DTD1: variants seen among roughly 807,000 people sequenced by gnomAD.
The protein encoded by DTD1 is D-tyrosyl-tRNA deacylase 1 homolog.
Under a neutral mutation model 25.6 loss-of-function variants are expected in DTD1, and 13 were observed. That is an observed-to-expected ratio of 0.51 (90% CI 0.33 to 0.81). The LOEUF is 0.81. Ranked by LOEUF, DTD1 falls within the 30% of genes least tolerant of loss-of-function variation. The pLI, the probability that DTD1 is intolerant of heterozygous loss-of-function variation, is 0.02. For missense variants in DTD1, 193 were observed against 266.4 expected (o/e 0.72, Z 1.92); for synonymous variants, 110 against 103.6 (o/e 1.06, Z -0.37).
intron 4 of DTD1, among the ~76,000 whole-genome samples, chr20:18,723,948 G>C (rs1386656947): frequency 2.6e-5 from 4 of 152,152 alleles, no homozygotes; most frequent in African/African-American, 7.2e-5. Context: ...TTTCCATTTA[G>C]TTTTCTAAGT....
chr20:18,713,351 CTT>C (rs1190777370), intron 4 of DTD1, among the ~76,000 whole-genome samples: 1 of 152,232 alleles, frequency 6.6e-6, no homozygotes, highest in African/African-American at 2.4e-5. Context: ...GAAATGTCCT[CTT>C]GTTAAAATCT....
intron 5 of DTD1, among the ~76,000 whole-genome samples, chr20:18,762,195 C>T (rs1321503886): frequency 6.6e-6 from 1 of 152,208 alleles, no homozygotes; most frequent in Admixed American, 6.5e-5. Flanking sequence ...TATCAGGAAG[C>T]ACATCCATGG....
chr20:18,718,492 T>C (rs1300797046), intron 4 of DTD1, among the ~76,000 whole-genome samples: 2 of 152,190 alleles, frequency 1.3e-5, no homozygotes, highest in Non-Finnish European at 2.9e-5. Context: ...AAATTAGAAC[T>C]GTGGAGCAAA....
chr20:18,636,948 T>G (rs754189948), intron 4 of DTD1, among the ~76,000 whole-genome samples: 6 of 152,152 alleles, frequency 3.9e-5, no homozygotes, highest in Non-Finnish European at 7.4e-5. Flanking sequence ...CCCACCCAGG[T>G]TTTCTGAGCC....
chr20:18,630,318 T>C (rs1322340450), intron 4 of DTD1: 2 of 152,116 alleles, frequency 1.3e-5, no homozygotes, highest in Non-Finnish European at 2.9e-5. Context: ...ACTATTATAT[T>C]AACTATATTA....
intron 4 of DTD1, among the ~76,000 whole-genome samples, chr20:18,708,232 T>A (rs78250977): frequency 0.52 from 11,288 of 21,574 alleles, 2,106 homozygotes; most frequent in Non-Finnish European, 0.59. Flanking sequence ...TATATATATT[T>A]TATATATATA....
intron 4 of DTD1, chr20:18,675,321 A>G (rs760524811): frequency 3.3e-5 from 5 of 152,320 alleles, no homozygotes; most frequent in Non-Finnish European, 5.9e-5. Context: ...ACCTGACTAC[A>G]TGGGTCATGA....
At chr20:18,724,542 A>G (rs1040392008) in intron 4 of DTD1, among the ~76,000 whole-genome samples, 2 of 152,214 alleles carry the variant, frequency 1.3e-5, no homozygotes, top group African/African-American at 4.8e-5. Context: ...TAACTTTTTA[A>G]TAACAAAAAG....
At chr20:18,697,597 CA>C (rs1202675554) in intron 4 of DTD1, among the ~76,000 whole-genome samples, 1 of 152,194 alleles carries the variant, frequency 6.6e-6, no homozygotes, top group African/African-American at 2.4e-5. Flanking sequence ...TACAACCTTT[CA>C]GGATCGTGTC....
chr20:18,655,601 G>A (rs924346758), intron 4 of DTD1, among the ~76,000 whole-genome samples: 2 of 152,126 alleles, frequency 1.3e-5, no homozygotes, highest in Non-Finnish European at 2.9e-5. Flanking sequence ...CTGTGAAATG[G>A]CAGGGCTGTA....
Position 18,765,913 on chromosome 20 carries a change from C to G in DTD1, c.*2573C>G, listed in dbSNP as rs916130962. 1 of 152,358 alleles carries G rather than the reference C, an allele frequency of 6.6e-6. No individual in the cohort carries two copies. The highest frequency in any genetic ancestry group is 1.9e-4 in the East Asian group (1 of 5,190). 9.4% of individuals were successfully genotyped at this position (152,358 alleles called of 1,614,324 possible). A position where few individuals can be genotyped will look rare whatever the true frequency, so the allele number is the denominator to read the frequency against. ...GTATGGCTTTTCTGAGAAGCCTTGG[C>G]AGATCACAGACCCAGGACTTTAAAC... On this transcript the variant is annotated 3_prime_UTR_variant, in exon 6 of 6. Transcript: ENST00000377452.
chr20:18,731,163 G>A (rs986522569), intron 4 of DTD1, among the ~76,000 whole-genome samples: 2 of 152,198 alleles, frequency 1.3e-5, no homozygotes, highest in African/African-American at 4.8e-5. Flanking sequence ...ATGAAGGATT[G>A]TAGCCCTTCT....
chr20:18,666,633 C>T (rs1161614396), intron 4 of DTD1, among the ~76,000 whole-genome samples: 1 of 152,092 alleles, frequency 6.6e-6, no homozygotes, highest in African/African-American at 2.4e-5. Context: ...TTGTCTCTTT[C>T]CCTTGATGTT....
intron 4 of DTD1, among the ~76,000 whole-genome samples, chr20:18,685,379 A>G (rs1281437166): frequency 6.6e-6 from 1 of 152,220 alleles, no homozygotes; most frequent in Non-Finnish European, 1.5e-5. Context: ...CTCCTTATAC[A>G]TAGCTGCCAG....
At chr20:18,754,719 A>T (rs946904969) in intron 5 of DTD1, among the ~76,000 whole-genome samples, 1 of 152,254 alleles carries the variant, frequency 6.6e-6, no homozygotes, top group Non-Finnish European at 1.5e-5. Context: ...GTTGATGGCC[A>T]GTAACCTGGC....
At chr20:18,741,331 T>A (rs2061277282) in intron 4 of DTD1, among the ~76,000 whole-genome samples, 1 of 152,120 alleles carries the variant, frequency 6.6e-6, no homozygotes, top group Non-Finnish European at 1.5e-5. Flanking sequence ...TGAGAAGAAA[T>A]CTCTCACAAT....
At chr20:18,713,515 C>T (rs908764336) in intron 4 of DTD1, among the ~76,000 whole-genome samples, 5 of 152,152 alleles carry the variant, frequency 3.3e-5, no homozygotes, top group African/African-American at 1.2e-4. Flanking sequence ...TTGAGCTGCT[C>T]AGTGTTTTTG....
chr20:18,741,062 A>C (rs575207041), intron 4 of DTD1, among the ~76,000 whole-genome samples: 3 of 152,262 alleles, frequency 2.0e-5, no homozygotes, highest in African/African-American at 7.2e-5. Context: ...ATTCCTACTT[A>C]AAGTGCTGCT....
intron 3 of DTD1, among the ~76,000 whole-genome samples, chr20:18,614,080 C>G (rs1392999848): frequency 6.6e-6 from 1 of 152,180 alleles, no homozygotes; most frequent in East Asian, 1.9e-4. Flanking sequence ...TGCTGGGATA[C>G]AGGTGTGAGC....
Sources: gnomAD v4.1 joint callset for allele counts (sites outside exome capture counted in the v4.1 genomes callset) on GRCh38, gnomAD v4.1.1 for gene constraint, MANE v1.5 for transcripts, NCBI Gene and HGNC (gene_info 2026-07-23, HGNC 2026-07-21) for gene names.